DRC11: variants seen among roughly 807,000 people sequenced by gnomAD.
DRC11 encodes the protein IQ and AAA domain-containing protein 1.
At chr2:236,466,831 A>G in the DRC11 span, among the ~76,000 whole-genome samples, 1 of 152,198 alleles carries the variant, frequency 6.6e-6, no homozygotes, top group Admixed American at 6.5e-5. Context: ...CATCCAAACC[A>G]TATAACCCTT....
chr2:236,439,117 G>C, the DRC11 span, among the ~76,000 whole-genome samples: 1 of 150,074 alleles, frequency 6.7e-6, no homozygotes, highest in Non-Finnish European at 1.5e-5. Flanking sequence ...GAGAAAGCAG[G>C]AAAGATCCAA....
At chr2:236,308,576 G>A in the DRC11 span, among the ~76,000 whole-genome samples, 1 of 152,198 alleles carries the variant, frequency 6.6e-6, no homozygotes, top group Non-Finnish European at 1.5e-5. This position sits in a 1 kb window ranked among gnomAD's most constrained non-coding sequence, Gnocchi z 6.0. Flanking sequence ...GCCAGTGTGG[G>A]GGCTCTGCCT....
At chr2:236,501,953 A>G in the DRC11 span, among the ~76,000 whole-genome samples, 1 of 152,220 alleles carries the variant, frequency 6.6e-6, no homozygotes, top group Non-Finnish European at 1.5e-5. Flanking sequence ...AGAGGAAAGC[A>G]TAACTCCAGA....
chr2:236,466,589 TGACAGG>T, the DRC11 span, among the ~76,000 whole-genome samples: 19 of 152,074 alleles, frequency 1.2e-4, no homozygotes, highest in Non-Finnish European at 4.4e-5. Flanking sequence ...TGATGGAAGG[TGACAGG>T]GAGCCAGTGT....
chr2:236,332,585 ACCTGATCTGAG>A, the DRC11 span: 1 of 152,194 alleles, frequency 6.6e-6, no homozygotes, highest in African/African-American at 2.4e-5. This position sits in a 1 kb window ranked among gnomAD's most constrained non-coding sequence, Gnocchi z 5.1. Context: ...GACCATGACT[ACCTGATCTGAG>A]CATTGTCAGG....
chr2:236,432,983 G>T, the DRC11 span, among the ~76,000 whole-genome samples: 8 of 152,120 alleles, frequency 5.3e-5, no homozygotes, highest in East Asian at 1.5e-3. Context: ...TTTTTTCTTA[G>T]ATGACAACCT....
At chr2:236,404,303 G>GT in the DRC11 span, among the ~76,000 whole-genome samples, 15 of 152,062 alleles carry the variant, frequency 9.9e-5, no homozygotes, top group South Asian at 2.9e-3. Context: ...ATTGGGAGTC[G>GT]TTTTTTCCTA....
the DRC11 span, among the ~76,000 whole-genome samples, chr2:236,483,226 T>A: frequency 1.1e-4 from 16 of 152,186 alleles, no homozygotes; most frequent in African/African-American, 3.9e-4. This position sits in a 1 kb window ranked among gnomAD's most constrained non-coding sequence, Gnocchi z 4.8. Flanking sequence ...TTCCTTCTCT[T>A]TTATAGCTGA....
At chr2:236,425,802 A>G in the DRC11 span, among the ~76,000 whole-genome samples, 1 of 151,950 alleles carries the variant, frequency 6.6e-6, no homozygotes, top group Non-Finnish European at 1.5e-5. Flanking sequence ...TTTTGAGTTG[A>G]TTTGTGTATA....
At chr2:236,456,588 A>G in the DRC11 span, among the ~76,000 whole-genome samples, 23 of 152,298 alleles carry the variant, frequency 1.5e-4, no homozygotes, top group African/African-American at 4.8e-4. This position sits in a 1 kb window ranked among gnomAD's most constrained non-coding sequence, Gnocchi z 5.4. Context: ...TTGGCTTAAA[A>G]GATGGAATGT....
chr2:236,493,447 A>G, the DRC11 span, among the ~76,000 whole-genome samples: 2 of 152,240 alleles, frequency 1.3e-5, no homozygotes, highest in African/African-American at 4.8e-5. Context: ...TTACATGAAC[A>G]ACATTTAGCT....
the DRC11 span, chr2:236,380,732 G>A: frequency 1.1e-6 from 1 of 884,658 alleles, no homozygotes; most frequent in Non-Finnish European, 1.8e-6. This position sits in a 1 kb window ranked among gnomAD's most constrained non-coding sequence, Gnocchi z 4.9. Context: ...TGGGGGTGGT[G>A]GGAGGTGGAA....
chr2:236,370,627 C>T, the DRC11 span, among the ~76,000 whole-genome samples: 1 of 152,096 alleles, frequency 6.6e-6, no homozygotes, highest in Non-Finnish European at 1.5e-5. The surrounding 1 kb of genome is among the most constrained non-coding windows in gnomAD (Gnocchi z 5.5). Context: ...GCAAGAAGGA[C>T]TGAGTTTAAA....
chr2:236,458,030 T>C, the DRC11 span, among the ~76,000 whole-genome samples: 2 of 152,106 alleles, frequency 1.3e-5, no homozygotes, highest in Non-Finnish European at 2.9e-5. Flanking sequence ...TGTGAGTCTC[T>C]ATTATTATTA....
the DRC11 span, among the ~76,000 whole-genome samples, chr2:236,356,588 G>C: frequency 1.1e-4 from 16 of 152,274 alleles, no homozygotes; most frequent in East Asian, 1.4e-3. Flanking sequence ...AGCACTCTGA[G>C]TGTCACTTTT....
the DRC11 span, among the ~76,000 whole-genome samples, chr2:236,470,340 G>A: frequency 3.3e-5 from 5 of 152,172 alleles, no homozygotes. The surrounding 1 kb of genome is among the most constrained non-coding windows in gnomAD (Gnocchi z 5.1). Flanking sequence ...GGTGAAGAAG[G>A]AGCAGGGTAG....
the DRC11 span, among the ~76,000 whole-genome samples, chr2:236,412,201 C>T: frequency 6.6e-6 from 1 of 152,164 alleles, no homozygotes; most frequent in Non-Finnish European, 1.5e-5. Flanking sequence ...AGCCAATTCT[C>T]ACTTCTCATG....
chr2:236,354,408 A>G, the DRC11 span, among the ~76,000 whole-genome samples: 2 of 152,016 alleles, frequency 1.3e-5, no homozygotes, highest in African/African-American at 4.8e-5. Context: ...GTGCTTATCC[A>G]GACTGTGTTC....
chr2:236,416,298 ATGCAGC>A, the DRC11 span, among the ~76,000 whole-genome samples: 2 of 152,126 alleles, frequency 1.3e-5, no homozygotes, highest in Admixed American at 1.3e-4. Flanking sequence ...CTGTCCTTGG[ATGCAGC>A]TGCCCCAGAA....
Sources: allele counts gnomAD v4.1 joint callset (sites outside exome capture counted in the v4.1 genomes callset), GRCh38; gene constraint gnomAD v4.1.1; non-coding constraint Gnocchi (gnomAD v3.1); transcripts MANE v1.5; gene names NCBI Gene and HGNC (gene_info 2026-07-23, HGNC 2026-07-21).